Variants in ABCC3 observed in about 807,000 individuals in gnomAD.
ABCC3 encodes the protein ATP-binding cassette sub-family C member 3.
Under a neutral mutation model 165.3 loss-of-function variants are expected in ABCC3, and 121 were observed. The observed-to-expected ratio is 0.73, with a 90% CI of 0.63 to 0.85. The LOEUF (loss-of-function observed/expected upper bound fraction) is 0.85, where lower values mean the gene tolerates loss of function less well. ABCC3 is among the 40% of genes least tolerant of loss of function. The pLI is 0.00. For synonymous variants in ABCC3, 733 were observed against 810.1 expected, an observed-to-expected ratio of 0.90 and a Z score of 1.62; for missense variants, 1,869 against 1,964.1, an observed-to-expected ratio of 0.95 and a Z score of 0.92.
At position 50,677,836 on chromosome 17, in the gene ABCC3, T is replaced by C; in HGVS notation, c.3471T>C (p.Gly1157=). Residue 1157 remains glycine, a synonymous_variant, in exon 24 of 31, where the codon GGT becomes GGC. Coordinates refer to ENST00000285238, the MANE Select transcript of ABCC3 (RefSeq NM_003786.4). Reference sequence around the variant, plus strand: ...CCCACTTTTCGGAGACAGTGACTGGTGCCAGTGTCATCCGGGCCTACAACC... The same window carrying C: ...CCCACTTTTCGGAGACAGTGACTGGCGCCAGTGTCATCCGGGCCTACAACC... ...IYSHFSETVT[G]ASVIRAYNRS... 10 of 1,614,082 alleles carry C rather than the reference T, an allele frequency of 6.2e-6. No individual in the cohort carries two copies. The highest frequency in any genetic ancestry group is 8.5e-6 in the Non-Finnish European group (10 of 1,180,012).
In ABCC3 at chr17:50,663,589, A is replaced by G. The variant is rs567539129; in HGVS notation, c.999-92A>G. 103 of 1,447,860 alleles carry G rather than the reference A, an allele frequency of 7.1e-5. No individual in the cohort carries two copies. In the African/African-American group the frequency reaches 1.3e-3, roughly 18 times the overall value. The allele number at this position is 1,447,860 out of a possible 1,614,324, so 89.7% of individuals were successfully genotyped here. On this transcript the variant is annotated intron_variant, in intron 8 of 30. Transcript: ENST00000285238. ...TGGAGGTTTCAGAGGCCAGGGGTGC[A>G]GTGGAGACTGCGGGTAAAAGCAAAG...
chr17:50,684,925 C>T, intron 29 of ABCC3, 50 bp downstream of exon 29: 1 of 1,590,984 alleles, frequency 6.3e-7, no homozygotes, highest in Non-Finnish European at 8.6e-7. Context: ...CCCTGGGAAA[C>T]CCTGGCGGGT....
At chr17:50,647,737 T>C (rs563418069) in intron 1 of ABCC3, among the ~76,000 whole-genome samples, 59 of 152,284 alleles carry the variant, frequency 3.9e-4, no homozygotes, top group African/African-American at 1.3e-3. Context: ...GAAACGGGTC[T>C]ATTTAATTCG....
rs367595692 is a variant in ABCC3, at chr17:50,684,399, G to A, written c.4113+292G>A. ...AGACATTCTGCCCTGGTCTTTTTGC[G>A]CAGCTCTAATTACATTTCACTTTTT... On this transcript the variant is annotated intron_variant, in intron 28 of 30. Transcript: ENST00000285238. Among the ~76,000 whole-genome samples the A allele has an allele frequency of 3.2e-4, 49 of 151,926 alleles. 2 individuals are homozygous for A. Among genetic ancestry groups the A allele is most frequent in the Non-Finnish European group, 1.5e-5 (1 of 67,982 alleles).
At chr17:50,663,890 G>A (rs1967459634) in intron 9 of ABCC3, 32 bp downstream of exon 9, 1 of 1,614,196 alleles carries the variant, frequency 6.2e-7, no homozygotes, top group Non-Finnish European at 8.5e-7. Flanking sequence ...GGGAAAGGCT[G>A]GCCCTGGGCA....
chr17:50,673,981 T>TTTCCTTCCTTC (rs1567835559), intron 19 of ABCC3, among the ~76,000 whole-genome samples: 4 of 3,316 alleles, frequency 1.2e-3, no homozygotes, highest in Non-Finnish European at 2.4e-3. Flanking sequence ...TCTTTCTTTC[T>TTTCCTTCCTTC]CTCTCTCTCT....
In ABCC3 at chr17:50,665,179, A is replaced by T. The variant is rs1364691106; in HGVS notation, c.1365A>T (p.Gly455=). The T allele has an allele frequency of 6.2e-7, 1 of 1,614,012 alleles. No individual in the cohort carries two copies. Among genetic ancestry groups the T allele is most frequent in the African/African-American group, 1.3e-5 (1 of 74,922 alleles). ...WQNLGPSVLA[G]VAFMVLLIPL... is the part of the protein sequence containing the mutation. ...ACCTAGGTCCCTCTGTCCTGGCTGGAGTCGCTTTCATGGTCTTGCTGATTC... is the reference window on the plus strand; with the variant it reads ...ACCTAGGTCCCTCTGTCCTGGCTGGTGTCGCTTTCATGGTCTTGCTGATTC... The change falls in exon 11 of 31, where the codon GGA becomes GGT. Residue 455 remains glycine, a synonymous_variant. Coordinates refer to ENST00000285238, the MANE Select transcript of ABCC3 (RefSeq NM_003786.4).
chr17:50,644,983 A>T (rs957684737), intron 1 of ABCC3, among the ~76,000 whole-genome samples: 1 of 151,954 alleles, frequency 6.6e-6, no homozygotes, highest in Non-Finnish European at 1.5e-5. Context: ...ACGCCACTGC[A>T]CTCCAGCCTG....
chr17:50,686,997 T>C (rs1197912357), intron 29 of ABCC3, among the ~76,000 whole-genome samples: 1 of 151,994 alleles, frequency 6.6e-6, no homozygotes, highest in Non-Finnish European at 1.5e-5. Flanking sequence ...CTCCTTTACC[T>C]CCTCAGTGAC....
chr17:50,666,008 C>G (rs1006329900), intron 11 of ABCC3, among the ~76,000 whole-genome samples: 12 of 152,234 alleles, frequency 7.9e-5, no homozygotes, highest in East Asian at 3.9e-4. Context: ...GTCCTCACCC[C>G]CTGCGGACTG....
intron 11 of ABCC3, 34 bp downstream of exon 11, chr17:50,665,279 C>T: frequency 6.2e-7 from 1 of 1,606,726 alleles, no homozygotes; most frequent in Non-Finnish European, 8.5e-7. Flanking sequence ...CTCCTGCCTG[C>T]AGCACCCGGC....
intron 21 of ABCC3, 45 bp downstream of exon 21, chr17:50,675,820 G>A (rs371793089): frequency 5.0e-6 from 8 of 1,595,102 alleles, no homozygotes; most frequent in African/African-American, 2.7e-5. Context: ...GGACAGGCAG[G>A]CCCCAGCAGC....
At chr17:50,653,672 G>C (rs537042931) in intron 1 of ABCC3, among the ~76,000 whole-genome samples, 15 of 151,648 alleles carry the variant, frequency 9.9e-5, no homozygotes, top group African/African-American at 3.6e-4. Context: ...AGAATGGCTT[G>C]AACCTGGGAG....
rs79993770 is a variant in ABCC3, at chr17:50,658,964, G to A, written c.675-273G>A. On this transcript the variant is annotated intron_variant, in intron 6 of 30. Coordinates refer to ENST00000285238, the MANE Select transcript of ABCC3 (RefSeq NM_003786.4). ...GTCCTCACCCAGGGCCCCAGGCAGC[G>A]TGGATTCCATCACCAGGGCCTGGGG... Among the ~76,000 whole-genome samples, 600 of 152,348 alleles carry A rather than the reference G, an allele frequency of 3.9e-3. 22 individuals are homozygous for A. The East Asian group carries it at 0.094, about 24-fold the overall frequency.
At chr17:50,672,897 A>T in intron 17 of ABCC3, 74 bp from the exon 18 acceptor site, 1 of 1,417,622 alleles carries the variant, frequency 7.1e-7, no homozygotes, top group South Asian at 1.3e-5. Flanking sequence ...CTGCCATCCC[A>T]AATAACAGTG....
At chr17:50,647,769 G>T (rs939552006) in intron 1 of ABCC3, among the ~76,000 whole-genome samples, 12 of 152,250 alleles carry the variant, frequency 7.9e-5, no homozygotes, top group Non-Finnish European at 1.6e-4. Flanking sequence ...TGGGCATGGT[G>T]TCTCACACCT....
rs1163737611 is a variant in ABCC3 at position 50,684,633 on chromosome 17, T to C, written c.4114-76T>C. ...AATGCTGCCACCTTAATCCCTCTCT[T>C]CTTCCCTGGACCTGGGGCCTATGGC... On this transcript the variant is annotated intron_variant, in intron 28 of 30. Transcript: ENST00000285238. The C allele has an allele frequency of 1.1e-5, 17 of 1,480,830 alleles. No individual in the cohort carries two copies. The South Asian group carries it at 1.4e-4, about 12-fold the overall frequency. 91.7% of individuals were successfully genotyped at this position (1,480,830 alleles called of 1,614,324 possible).
At position 50,691,458 on chromosome 17, in the gene ABCC3, G is replaced by C. The variant is rs138342952; in HGVS notation, c.*258G>C. On this transcript the variant is annotated 3_prime_UTR_variant, in exon 31 of 31. Transcript: ENST00000285238. ...CCCCGGTCTCCCGATTCCCAACTGA[G>C]TGTTATTTGCACACTGCACTGTTTT... The C allele has an allele frequency of 4.5e-3, 1,791 of 400,866 alleles. 25 individuals are homozygous for C. Among genetic ancestry groups the C allele is most frequent in the African/African-American group, 0.032 (1,609 of 49,852 alleles). 24.8% of individuals were successfully genotyped at this position (400,866 alleles called of 1,614,324 possible). A position where few individuals can be genotyped will look rare whatever the true frequency, so the allele number is the denominator to read the frequency against.
At chr17:50,642,558 T>C (rs1431227810) in intron 1 of ABCC3, among the ~76,000 whole-genome samples, 1 of 152,240 alleles carries the variant, frequency 6.6e-6, no homozygotes, top group Non-Finnish European at 1.5e-5. Flanking sequence ...AGTGCTTTGC[T>C]GTTCATTCTC....
Sources: gnomAD v4.1 joint callset for allele counts (sites outside exome capture counted in the v4.1 genomes callset) on GRCh38, gnomAD v4.1.1 for gene constraint, MANE v1.5 for transcripts, NCBI Gene and HGNC (gene_info 2026-07-23, HGNC 2026-07-21) for gene names.